The following RAD51B variants were observed in gnomAD, a reference collection of about 807,000 sequenced individuals.
RAD51B encodes RAD51 paralog B.
RAD51B carries 38 observed loss-of-function variants against 42.2 expected under a neutral mutation model. The observed-to-expected ratio is 0.90, with a 90% CI of 0.70 to 1.18. The LOEUF (loss-of-function observed/expected upper bound fraction) is 1.18, where lower values mean the gene tolerates loss of function less well. Among genes scored for constraint, RAD51B ranks in the 50% most tolerant of loss-of-function variants. The pLI, the probability that RAD51B is intolerant of heterozygous loss-of-function variation, is 0.00. For synonymous variants in RAD51B, 154 were observed against 145.2 expected (o/e 1.06, Z -0.43); for missense variants, 373 against 400.7 (o/e 0.93, Z 0.59).
intron 8 of RAD51B, among the ~76,000 whole-genome samples, chr14:68,411,058 A>G (rs2084406039): frequency 6.6e-6 from 1 of 152,212 alleles, no homozygotes; most frequent in African/African-American, 2.4e-5. Flanking sequence ...CTATTAAACT[A>G]AGACTATTTC....
At chr14:68,673,919 A>G (rs887817892) in intron 11 of RAD51B, among the ~76,000 whole-genome samples, 8 of 151,228 alleles carry the variant, frequency 5.3e-5, no homozygotes, top group Non-Finnish European at 2.9e-5. Context: ...ACACACACAT[A>G]TGTATATGTG....
At chr14:68,089,905 T>C (rs2077061093) in intron 7 of RAD51B, among the ~76,000 whole-genome samples, 1 of 152,150 alleles carries the variant, frequency 6.6e-6, no homozygotes, top group Non-Finnish European at 1.5e-5. Flanking sequence ...CCCTAAATTA[T>C]ATTATTTTAG....
chr14:68,545,676 T>C (rs1888188600), intron 10 of RAD51B: 2 of 453,948 alleles, frequency 4.4e-6, no homozygotes, highest in Non-Finnish European at 8.8e-6. Context: ...CATTCGCTTG[T>C]CCACACATTG....
intron 9 of RAD51B, among the ~76,000 whole-genome samples, chr14:68,447,142 C>A (rs1434774854): frequency 6.6e-6 from 1 of 152,142 alleles, no homozygotes; most frequent in Non-Finnish European, 1.5e-5. Context: ...TCACTTGACC[C>A]AGGAGGCAGA....
At chr14:68,580,819 G>A (rs2140058266) in intron 10 of RAD51B, among the ~76,000 whole-genome samples, 1 of 152,198 alleles carries the variant, frequency 6.6e-6, no homozygotes, top group Non-Finnish European at 1.5e-5. Context: ...AGATCTCAAG[G>A]AACAGATGGG....
At chr14:68,664,381 C>T (rs377048052) in intron 11 of RAD51B, among the ~76,000 whole-genome samples, 7 of 152,242 alleles carry the variant, frequency 4.6e-5, no homozygotes, top group East Asian at 1.9e-4. Context: ...CATCCACCCC[C>T]GCCCACAATG....
At chr14:68,351,113 T>C (rs2082777942) in intron 8 of RAD51B, among the ~76,000 whole-genome samples, 1 of 152,180 alleles carries the variant, frequency 6.6e-6, no homozygotes, top group Admixed American at 6.5e-5. Flanking sequence ...AAGTAAGACA[T>C]AGACCCTGCC....
At chr14:67,881,748 TTCTG>T (rs922222328) in intron 5 of RAD51B, among the ~76,000 whole-genome samples, 1 of 152,254 alleles carries the variant, frequency 6.6e-6, no homozygotes, top group Non-Finnish European at 1.5e-5. Flanking sequence ...ATTTCATGTA[TTCTG>T]TCTGATTTTC....
At chr14:68,619,353 C>T (rs1184566833) in intron 10 of RAD51B, among the ~76,000 whole-genome samples, 1 of 151,694 alleles carries the variant, frequency 6.6e-6, no homozygotes, top group Non-Finnish European at 1.5e-5. Flanking sequence ...GTCCCAGCTA[C>T]TCAGGAGGCT....
chr14:67,953,769 G>A (rs1366088713), intron 7 of RAD51B, among the ~76,000 whole-genome samples: 1 of 152,140 alleles, frequency 6.6e-6, no homozygotes, highest in East Asian at 1.9e-4. Flanking sequence ...ATTTGCATCT[G>A]AGTAACTAGG....
intron 8 of RAD51B, among the ~76,000 whole-genome samples, chr14:68,353,386 G>A (rs993758469): frequency 2.0e-5 from 3 of 152,226 alleles, no homozygotes; most frequent in Non-Finnish European, 2.9e-5. Context: ...GATTTCTTTG[G>A]TATTTTGTCC....
intron 7 of RAD51B, chr14:68,130,146 G>A (rs2077856199): frequency 6.6e-6 from 1 of 152,162 alleles, no homozygotes; most frequent in African/African-American, 2.4e-5. Flanking sequence ...CTGAAGTCTT[G>A]TTTTCTTGGT....
At chr14:68,549,509 G>A (rs1041610725) in intron 10 of RAD51B, among the ~76,000 whole-genome samples, 12 of 139,550 alleles carry the variant, frequency 8.6e-5, no homozygotes, top group South Asian at 2.4e-4. Flanking sequence ...TCCGCCTCCC[G>A]GGTTCACGCC....
At chr14:68,045,595 G>A (rs542277661) in intron 7 of RAD51B, among the ~76,000 whole-genome samples, 1 of 152,270 alleles carries the variant, frequency 6.6e-6, no homozygotes, top group South Asian at 2.1e-4. Context: ...GATTTCATAA[G>A]TTGTTATTTT....
intron 7 of RAD51B, among the ~76,000 whole-genome samples, chr14:68,225,337 G>A (rs560320731): frequency 8.5e-5 from 13 of 152,198 alleles, no homozygotes; most frequent in African/African-American, 2.9e-4. Context: ...TCTTATTAAC[G>A]TTAGTTCTCC....
intron 9 of RAD51B, among the ~76,000 whole-genome samples, chr14:68,458,628 G>A (rs534008150): frequency 1.1e-4 from 16 of 150,932 alleles, no homozygotes; most frequent in African/African-American, 3.6e-4. Flanking sequence ...TAACCTCAGG[G>A]TCAAAATTCC....
chr14:68,389,067 C>T (rs1457700956), intron 8 of RAD51B, among the ~76,000 whole-genome samples: 2 of 152,128 alleles, frequency 1.3e-5, no homozygotes, highest in Non-Finnish European at 2.9e-5. Context: ...GACTTCTTGA[C>T]AATATGTGTG....
At chr14:67,896,733 G>T (rs1325788849) in intron 7 of RAD51B, among the ~76,000 whole-genome samples, 1 of 152,056 alleles carries the variant, frequency 6.6e-6, no homozygotes, top group African/African-American at 2.4e-5. Flanking sequence ...TGTTTTTTTG[G>T]TTGATATTTT....
chr14:68,203,929 G>A (rs111260904), intron 7 of RAD51B, among the ~76,000 whole-genome samples: 4,300 of 152,278 alleles, frequency 0.028, 228 homozygotes, highest in African/African-American at 0.099. Flanking sequence ...CCCTTGCTCT[G>A]GATTAGACTT....
Sources: gnomAD v4.1 joint callset for allele counts (sites outside exome capture counted in the v4.1 genomes callset) on GRCh38, gnomAD v4.1.1 for gene constraint, MANE v1.5 for transcripts, NCBI Gene and HGNC (gene_info 2026-07-23, HGNC 2026-07-21) for gene names.